ANKRD30B: variants seen among roughly 807,000 people sequenced by gnomAD.
ANKRD30B encodes the protein ankyrin repeat domain 30B.
A neutral mutation model predicts 202.2 loss-of-function variants in ANKRD30B; 144 were observed. The observed-to-expected ratio is 0.71, with a 90% CI of 0.62 to 0.82. The LOEUF (loss-of-function observed/expected upper bound fraction) is 0.82, where lower values mean the gene tolerates loss of function less well. Ranked by LOEUF, ANKRD30B falls within the 40% of genes least tolerant of loss-of-function variation. The pLI, the probability that ANKRD30B is intolerant of heterozygous loss-of-function variation, is 0.00. For synonymous variants in ANKRD30B, 508 were observed against 561.3 expected (o/e 0.91, Z 1.34); for missense variants, 1,487 against 1,669.1 (o/e 0.89, Z 1.90).
intron 10 of ANKRD30B, among the ~76,000 whole-genome samples, 159 bp downstream of exon 10, chr18:14,778,234 C>T (rs900084502): frequency 6.6e-6 from 1 of 151,956 alleles, no homozygotes; most frequent in Non-Finnish European, 1.5e-5. Context: ...GTGTTGACAA[C>T]AGATTATATT....
chr18:14,840,104 T>C (rs145053830), intron 36 of ANKRD30B, among the ~76,000 whole-genome samples: 205 of 152,328 alleles, frequency 1.3e-3, no homozygotes, highest in African/African-American at 4.0e-3. Context: ...CAGAGCATAT[T>C]TGAGGTTTTC....
chr18:14,909,447 G>T, the ANKRD30B span, among the ~76,000 whole-genome samples: 2 of 152,138 alleles, frequency 1.3e-5, no homozygotes, highest in Non-Finnish European at 2.9e-5. Flanking sequence ...TTGCTCTGTG[G>T]CTCAGGCTGG....
At chr18:14,818,121 T>C (rs549628923) in intron 30 of ANKRD30B, among the ~76,000 whole-genome samples, 3 of 152,338 alleles carry the variant, frequency 2.0e-5, no homozygotes, top group South Asian at 4.1e-4. Context: ...AAAGGAGATA[T>C]ATTTCTATGT....
At chr18:14,869,288 ACGGT>A in the ANKRD30B span, among the ~76,000 whole-genome samples, 1 of 151,746 alleles carries the variant, frequency 6.6e-6, no homozygotes, top group Admixed American at 6.6e-5. Flanking sequence ...GAGTCCTTAG[ACGGT>A]CATCTTACTA....
At chr18:14,780,659 A>G (rs74462708) in intron 11 of ANKRD30B, among the ~76,000 whole-genome samples, 300 of 40,050 alleles carry the variant, frequency 7.5e-3, no homozygotes, top group South Asian at 0.016. Context: ...TATATGATTC[A>G]GTGGTATATC....
chr18:14,781,652 T>A (rs1967761655), intron 11 of ANKRD30B, among the ~76,000 whole-genome samples: 1 of 152,254 alleles, frequency 6.6e-6, no homozygotes, highest in South Asian at 2.1e-4. Context: ...GCAGGGAGTC[T>A]GTCCCTTGCA....
intron 4 of ANKRD30B, among the ~76,000 whole-genome samples, chr18:14,756,230 T>G (rs1320537667): frequency 6.6e-5 from 10 of 152,242 alleles, no homozygotes; most frequent in Non-Finnish European, 1.2e-4. Flanking sequence ...TCATACCCTT[T>G]GCCCACTTTT....
chr18:14,769,746 A>G (rs946629974), intron 8 of ANKRD30B, among the ~76,000 whole-genome samples: 14 of 152,174 alleles, frequency 9.2e-5, no homozygotes, highest in Non-Finnish European at 1.6e-4. Context: ...TCAATTCACA[A>G]AGTTACATTT....
chr18:14,793,340 T>G (rs1370922527), intron 16 of ANKRD30B, among the ~76,000 whole-genome samples: 1 of 152,158 alleles, frequency 6.6e-6, no homozygotes, highest in African/African-American at 2.4e-5. Flanking sequence ...TAAATATTTG[T>G]AATGTAATGA....
chr18:14,768,564 T>C (rs1916609489), intron 7 of ANKRD30B, among the ~76,000 whole-genome samples: 1 of 152,176 alleles, frequency 6.6e-6, no homozygotes, highest in Admixed American at 6.5e-5. Context: ...TGGAATTAAA[T>C]AGAGGACAAC....
intron 30 of ANKRD30B, chr18:14,817,055 T>C (rs2144089563): frequency 6.6e-6 from 1 of 152,248 alleles, no homozygotes; most frequent in South Asian, 2.1e-4. Context: ...ACCCTAAAAC[T>C]TAAAGTATAA....
At chr18:14,892,660 A>G in the ANKRD30B span, among the ~76,000 whole-genome samples, 1 of 145,098 alleles carries the variant, frequency 6.9e-6, no homozygotes, top group African/African-American at 2.5e-5. Context: ...GACTTGCTTG[A>G]ACCCAGAAGG....
chr18:14,911,824 A>C, the ANKRD30B span, among the ~76,000 whole-genome samples: 8 of 151,986 alleles, frequency 5.3e-5, no homozygotes, highest in Admixed American at 5.2e-4. Flanking sequence ...AATTCTCCTA[A>C]TAGGGATATT....
chr18:14,796,298 A>T (rs1477539771), intron 17 of ANKRD30B, 45 bp from the exon 18 acceptor site: 1 of 1,609,722 alleles, frequency 6.2e-7, no homozygotes, highest in Admixed American at 1.7e-5. Flanking sequence ...ATATTTTAGG[A>T]AGCATATATT....
the ANKRD30B span, among the ~76,000 whole-genome samples, chr18:14,868,121 A>G: frequency 2.8e-4 from 43 of 152,408 alleles, no homozygotes; most frequent in Middle Eastern, 3.4e-3. Flanking sequence ...GGGCAGGTGC[A>G]TGGAGGGTGA....
chr18:14,878,280 CTT>C, the ANKRD30B span, among the ~76,000 whole-genome samples: 1 of 152,134 alleles, frequency 6.6e-6, no homozygotes, highest in Non-Finnish European at 1.5e-5. Flanking sequence ...AAAACGCGGT[CTT>C]TGTTAACTTG....
chr18:14,760,051 G>T (rs1199075060), intron 5 of ANKRD30B, among the ~76,000 whole-genome samples: 3 of 151,962 alleles, frequency 2.0e-5, no homozygotes, highest in Admixed American at 2.0e-4. Flanking sequence ...CAACACATTG[G>T]GTTTTATTGG....
chr18:14,853,047 A>C (rs1458151127), intron 42 of ANKRD30B, among the ~76,000 whole-genome samples: 2 of 152,112 alleles, frequency 1.3e-5, no homozygotes, highest in Non-Finnish European at 2.9e-5. Flanking sequence ...TTTGTTAAAT[A>C]ATACCTTAGG....
At chr18:14,844,842 G>A (rs1447803440) in intron 39 of ANKRD30B, among the ~76,000 whole-genome samples, 3 of 151,972 alleles carry the variant, frequency 2.0e-5, no homozygotes, top group Non-Finnish European at 4.4e-5. Context: ...CAGTGATGAT[G>A]AGCATTTTTT....
Sources: gnomAD v4.1 joint callset for allele counts (sites outside exome capture counted in the v4.1 genomes callset) on GRCh38, gnomAD v4.1.1 for gene constraint, MANE v1.5 for transcripts, NCBI Gene and HGNC (gene_info 2026-07-23, HGNC 2026-07-21) for gene names.